The following TEKT1 variants were observed in gnomAD, a reference collection of about 807,000 sequenced individuals.
TEKT1 encodes tektin-1.
Under a neutral mutation model 34.8 loss-of-function variants are expected in TEKT1, and 32 were observed. The observed-to-expected ratio is 0.92, with a 90% CI of 0.69 to 1.23. TEKT1 has a LOEUF of 1.23. TEKT1 is among the 50% of genes most tolerant of loss of function. The probability of loss-of-function intolerance (pLI) is 0.00; values close to 1 mark genes in which losing one functional copy is unlikely to be tolerated. For missense variants in TEKT1, 492 were observed against 518.5 expected (o/e 0.95, Z 0.50); for synonymous variants, 207 against 199.8 (o/e 1.04, Z -0.30).
In TEKT1 at chr17:6,815,951, A is replaced by G. The variant is rs761594196; in HGVS notation, c.368T>C (p.Ile123Thr). 1.2e-6 allele frequency: 2 copies of G among 1,614,030 alleles called. No homozygotes were observed. The highest frequency in any genetic ancestry group is 1.1e-5 in the South Asian group (1 of 91,082). The stretch of plus-strand genomic sequence containing the variant: ...TGTGTCGTGCACCAGGTCAATGCCA[A>G]TGCGCTTCTCCCTGGCAGGGGGAAA... ...ETCLAYREKR[I>T]GIDLVHDTVE... Residue 123 changes from isoleucine to threonine, a missense_variant, in exon 4 of 8, where the codon ATT (isoleucine) becomes ACT (threonine). Coordinates refer to ENST00000338694, the MANE Select transcript of TEKT1 (RefSeq NM_053285.2).
chr17:6,804,280 C>T (rs918179176), intron 6 of TEKT1, among the ~76,000 whole-genome samples: 7 of 151,684 alleles, frequency 4.6e-5, no homozygotes, highest in South Asian at 2.1e-4. Flanking sequence ...TTGGTGTATA[C>T]GAATGCTTGT....
At chr17:6,800,450 C>T (rs1208186897) in intron 7 of TEKT1, among the ~76,000 whole-genome samples, 3 of 152,158 alleles carry the variant, frequency 2.0e-5, no homozygotes, top group African/African-American at 4.8e-5. Context: ...TTCAATTTGG[C>T]GGCCACAGGC....
chr17:6,831,684 A>G lies in TEKT1; in HGVS notation c.-53T>C, dbSNP rs542988024. The G allele has an allele frequency of 8.5e-5, 13 of 152,252 alleles. No homozygotes were observed. The highest frequency in any genetic ancestry group is 2.6e-4 in the African/African-American group (11 of 41,534). 9.4% of individuals were successfully genotyped at this position (152,252 alleles called of 1,614,324 possible). On this transcript the variant is annotated 5_prime_UTR_variant, in exon 1 of 8. Coordinates refer to ENST00000338694, the MANE Select transcript of TEKT1 (RefSeq NM_053285.2). ...CACAGAACCACTACGCAAGCTCGGG[A>G]TGGGAGCCTCCTTACCCCAACTGGA...
At position 6,800,128 on chromosome 17, in the gene TEKT1, C is replaced by G. The variant is rs141864689; in HGVS notation, c.1156G>C (p.Asp386His). 1 of 1,614,106 alleles carries G rather than the reference C, an allele frequency of 6.2e-7. No homozygotes were observed. ...CTCATCTGCATACACAGCACTTCGT[C>G]GATATAAATGGTGTTCTCTTTGACC... is the stretch of plus-strand genomic sequence containing the variant. The part of the protein sequence containing the change: ...IQVKENTIYI[D>H]EVLCMQMRKS... The change falls in exon 8 of 8, where the codon GAC (aspartate) becomes CAC (histidine). Residue 386 changes from aspartate (D) to histidine (H), a missense_variant. By Grantham distance (81) the Asp-to-His change is moderately conservative. Coordinates refer to ENST00000338694, the MANE Select transcript of TEKT1 (RefSeq NM_053285.2).
intron 3 of TEKT1, among the ~76,000 whole-genome samples, chr17:6,817,255 A>G (rs1977019608): frequency 6.6e-6 from 1 of 151,894 alleles, no homozygotes; most frequent in African/African-American, 2.4e-5. Context: ...CATGCCTGTA[A>G]TCCTAGCTAC....
chr17:6,825,615 G>T (rs573759289), intron 2 of TEKT1, among the ~76,000 whole-genome samples: 9 of 152,180 alleles, frequency 5.9e-5, no homozygotes, highest in Non-Finnish European at 1.3e-4. Context: ...ATCCCAGGAG[G>T]TCTCTCATGA....
intron 7 of TEKT1, among the ~76,000 whole-genome samples, 167 bp from the exon 8 acceptor site, chr17:6,800,401 A>G (rs1012596734): frequency 2.0e-5 from 3 of 151,992 alleles, no homozygotes; most frequent in Admixed American, 6.6e-5. Context: ...AATAAAATGC[A>G]TACTGAAAAG....
chr17:6,811,127 G>T lies in TEKT1; in HGVS notation c.852+1704C>A, dbSNP rs1398872710. 6.6e-6 allele frequency among the ~76,000 whole-genome samples: 1 copy of T among 151,910 alleles called. No individual in the cohort carries two copies. The highest frequency in any genetic ancestry group is 2.4e-5 in the African/African-American group (1 of 41,362). On this transcript the variant is annotated intron_variant, in intron 6 of 7. Coordinates refer to ENST00000338694, the MANE Select transcript of TEKT1 (RefSeq NM_053285.2). The surrounding 1 kb of genome is among the most constrained non-coding windows in gnomAD (Gnocchi z 4.4). ...TCTCTTCCTCTCTTCTCTTCTCAGTGCTCTCCCATCCTCCCTTCTGTCCTA... is the reference window on the plus strand; with the variant it reads ...TCTCTTCCTCTCTTCTCTTCTCAGTTCTCTCCCATCCTCCCTTCTGTCCTA...
At chr17:6,823,458 T>C (rs564512384) in intron 2 of TEKT1, among the ~76,000 whole-genome samples, 15 of 152,332 alleles carry the variant, frequency 9.8e-5, no homozygotes, top group African/African-American at 3.1e-4. Flanking sequence ...ACGCATGTGC[T>C]TGCCTGTGTA....
chr17:6,816,594 GT>G (rs1232793180), intron 3 of TEKT1, among the ~76,000 whole-genome samples: 15 of 152,182 alleles, frequency 9.9e-5, no homozygotes, highest in African/African-American at 3.6e-4. Context: ...GTATTCCATG[GT>G]GTATATGTGC....
chr17:6,826,560 C>T (rs769742097), intron 2 of TEKT1, among the ~76,000 whole-genome samples: 13 of 152,042 alleles, frequency 8.6e-5, no homozygotes, highest in Admixed American at 2.0e-4. Flanking sequence ...AATATATTCT[C>T]CCATAAGTGT....
Position 6,811,278 on chromosome 17 carries a change from G to T in TEKT1, c.852+1553C>A, listed in dbSNP as rs537045614. Among the ~76,000 whole-genome samples, 4 of 150,504 alleles carry T rather than the reference G, an allele frequency of 2.7e-5. No individual in the cohort carries two copies. The South Asian group carries it at 8.5e-4, about 32-fold the overall frequency. ...AACTATTTTTATTATTTATATGTAT[G>T]ATATTATATGTTAATCATATATGCA... On this transcript the variant is annotated intron_variant, in intron 6 of 7. Transcript: ENST00000338694. This position sits in a 1 kb window ranked among gnomAD's most constrained non-coding sequence, Gnocchi z 4.4.
chr17:6,822,839 G>A (rs1977112567), intron 2 of TEKT1, among the ~76,000 whole-genome samples: 1 of 152,180 alleles, frequency 6.6e-6, no homozygotes, highest in South Asian at 2.1e-4. Flanking sequence ...AGACTGAGAT[G>A]CTAAAGTGCT....
intron 2 of TEKT1, among the ~76,000 whole-genome samples, chr17:6,827,875 GA>G (rs1332693840): frequency 2.6e-5 from 4 of 151,710 alleles, no homozygotes; most frequent in Admixed American, 2.6e-4. Context: ...ATGATTCCAT[GA>G]ATCAATGAAG....
intron 4 of TEKT1, among the ~76,000 whole-genome samples, 195 bp from the exon 5 acceptor site, chr17:6,815,501 CT>C (rs56261228): frequency 0.081 from 12,349 of 152,196 alleles, 622 homozygotes; most frequent in Middle Eastern, 0.19. Context: ...CAAATGTGGA[CT>C]TGGAGATTCT....
At chr17:6,828,092 A>G (rs1186805835) in intron 2 of TEKT1, among the ~76,000 whole-genome samples, 1 of 151,912 alleles carries the variant, frequency 6.6e-6, no homozygotes, top group Non-Finnish European at 1.5e-5. Context: ...CTACAGATGC[A>G]TGCCACCATG....
intron 2 of TEKT1, among the ~76,000 whole-genome samples, chr17:6,820,008 G>T (rs1977063973): frequency 6.6e-6 from 1 of 152,054 alleles, no homozygotes. Flanking sequence ...TCTGACATTT[G>T]CTTATACTGC....
At chr17:6,820,082 C>A (rs1411463506) in intron 2 of TEKT1, among the ~76,000 whole-genome samples, 1 of 152,118 alleles carries the variant, frequency 6.6e-6, no homozygotes, top group Non-Finnish European at 1.5e-5. Flanking sequence ...TAATGATTTG[C>A]TCTTAACCAA....
chr17:6,819,714 G>T (rs1414358460), intron 2 of TEKT1, among the ~76,000 whole-genome samples: 3 of 152,222 alleles, frequency 2.0e-5, no homozygotes, highest in Non-Finnish European at 2.9e-5. Flanking sequence ...TTGAGACGGA[G>T]TCTCACTGTG....
Sources: allele counts gnomAD v4.1 joint callset (sites outside exome capture counted in the v4.1 genomes callset), GRCh38; gene constraint gnomAD v4.1.1; non-coding constraint Gnocchi (gnomAD v3.1); transcripts MANE v1.5; gene names NCBI Gene and HGNC (gene_info 2026-07-23, HGNC 2026-07-21).